Variants in LHFPL3 observed in about 807,000 individuals in gnomAD.
LHFPL3 encodes the protein LHFPL tetraspan subfamily member 3 protein.
A neutral mutation model predicts 19.3 loss-of-function variants in LHFPL3; 5 were observed. That is an observed-to-expected ratio of 0.26 (90% CI 0.14 to 0.54). The LOEUF (loss-of-function observed/expected upper bound fraction) is 0.54. Ranked by LOEUF, LHFPL3 falls within the 20% of genes least tolerant of loss-of-function variation. The pLI is 0.94. For synonymous variants in LHFPL3, 133 were observed against 126.2 expected (o/e 1.05, Z -0.36); for missense variants, 249 against 307.4 (o/e 0.81, Z 1.42).
At chr7:104,748,175 AC>A (rs775983662) in intron 2 of LHFPL3, among the ~76,000 whole-genome samples, 78 of 151,220 alleles carry the variant, frequency 5.2e-4, no homozygotes, top group Non-Finnish European at 2.4e-4. Flanking sequence ...AAGAGTCATC[AC>A]CACTCCCTAA....
chr7:104,380,198 A>C (rs1052667073), intron 1 of LHFPL3, among the ~76,000 whole-genome samples: 3 of 152,206 alleles, frequency 2.0e-5, no homozygotes, highest in African/African-American at 7.2e-5. Flanking sequence ...AACCCATCTC[A>C]TAGAGTTATC....
intron 2 of LHFPL3, among the ~76,000 whole-genome samples, chr7:104,787,961 G>T (rs1489712042): frequency 1.3e-5 from 2 of 152,134 alleles, no homozygotes; most frequent in Non-Finnish European, 2.9e-5. Flanking sequence ...GAATTAAAGG[G>T]GCTTGGAGAG....
chr7:104,904,501 A>C (rs2470934), intron 2 of LHFPL3, among the ~76,000 whole-genome samples: 3 of 152,204 alleles, frequency 2.0e-5, no homozygotes, highest in South Asian at 2.1e-4. Flanking sequence ...AAACACAAAA[A>C]TCAGCCAGGT....
chr7:104,693,706 T>C (rs1244134120), intron 1 of LHFPL3, among the ~76,000 whole-genome samples: 1 of 151,886 alleles, frequency 6.6e-6, no homozygotes, highest in Non-Finnish European at 1.5e-5. Context: ...CTTTTTTTTT[T>C]TTTTTAAAGA....
chr7:104,585,522 C>CACACACAT (rs1790556820), intron 1 of LHFPL3, among the ~76,000 whole-genome samples: 1 of 149,954 alleles, frequency 6.7e-6, no homozygotes, highest in Non-Finnish European at 1.5e-5. Flanking sequence ...CACACACACA[C>CACACACAT]GGCCTTGTCC....
chr7:104,565,172 T>C (rs1790094985), intron 1 of LHFPL3, among the ~76,000 whole-genome samples: 2 of 152,354 alleles, frequency 1.3e-5, no homozygotes, highest in Admixed American at 1.3e-4. Flanking sequence ...TGAAATCACC[T>C]AAGCATTCAA....
chr7:104,713,534 C>T (rs1793331367), intron 1 of LHFPL3, among the ~76,000 whole-genome samples: 1 of 152,062 alleles, frequency 6.6e-6, no homozygotes, highest in South Asian at 2.1e-4. Flanking sequence ...AACTCACTCA[C>T]TATCACAAGA....
intron 1 of LHFPL3, among the ~76,000 whole-genome samples, chr7:104,513,788 GGT>G (rs1361593390): frequency 6.6e-6 from 1 of 152,130 alleles, no homozygotes; most frequent in African/African-American, 2.4e-5. Context: ...AGTGATCTTG[GGT>G]ATCTGCTGGG....
intron 2 of LHFPL3, among the ~76,000 whole-genome samples, chr7:104,877,405 C>T (rs147653253): frequency 1.3e-5 from 2 of 152,056 alleles, no homozygotes; most frequent in African/African-American, 2.4e-5. Context: ...GCTTTTAAAA[C>T]TCTACAATAA....
intron 1 of LHFPL3, among the ~76,000 whole-genome samples, chr7:104,473,770 GTAAA>G (rs1792954278): frequency 6.6e-6 from 1 of 152,356 alleles, no homozygotes; most frequent in Non-Finnish European, 1.5e-5. Context: ...AAAGCACTAA[GTAAA>G]TAGAGTAAAT....
chr7:104,853,343 T>A (rs2116619915), intron 2 of LHFPL3, among the ~76,000 whole-genome samples: 1 of 152,310 alleles, frequency 6.6e-6, no homozygotes, highest in Middle Eastern at 3.4e-3. Context: ...GTGAGGATCC[T>A]AAGTACCCCC....
intron 1 of LHFPL3, among the ~76,000 whole-genome samples, chr7:104,582,515 A>T (rs950962162): frequency 6.6e-6 from 1 of 152,032 alleles, no homozygotes; most frequent in Non-Finnish European, 1.5e-5. Flanking sequence ...AACATGAGTA[A>T]TAAGGGTAGA....
intron 1 of LHFPL3, among the ~76,000 whole-genome samples, chr7:104,628,670 G>A (rs1791588401): frequency 6.6e-6 from 1 of 152,192 alleles, no homozygotes; most frequent in South Asian, 2.1e-4. Flanking sequence ...TTTGCAACCA[G>A]TAGCATTCAT....
In LHFPL3 at chr7:104,732,288, C is replaced by T. The variant is rs1047219233; in HGVS notation, c.446-4387C>T. ...CTTTTTCTATTGATTGGAATAGTTTCGGAAGGCTTGGTACCAGCTGCTCCT... is the reference window on the plus strand; with the variant it reads ...CTTTTTCTATTGATTGGAATAGTTTTGGAAGGCTTGGTACCAGCTGCTCCT... On this transcript the variant is annotated intron_variant, in intron 1 of 2. Coordinates refer to ENST00000424859, the MANE Select transcript of LHFPL3 (RefSeq NM_199000.3). Among the ~76,000 whole-genome samples, 29 of 152,280 alleles carry T rather than the reference C, an allele frequency of 1.9e-4. No homozygotes were observed. In the East Asian group the frequency reaches 3.7e-3, roughly 19 times the overall value.
At chr7:104,769,610 C>T (rs2116393526) in intron 2 of LHFPL3, among the ~76,000 whole-genome samples, 2 of 148,858 alleles carry the variant, frequency 1.3e-5, no homozygotes, top group South Asian at 2.2e-4. Context: ...CCTCTTTTAG[C>T]CCCCCCAACC....
intron 1 of LHFPL3, among the ~76,000 whole-genome samples, chr7:104,653,893 T>A (rs978625900): frequency 6.6e-6 from 1 of 152,212 alleles, no homozygotes; most frequent in Non-Finnish European, 1.5e-5. Context: ...CTGTTAAGCT[T>A]CATGCCAGCA....
At chr7:104,724,971 T>C (rs189721469) in intron 1 of LHFPL3, among the ~76,000 whole-genome samples, 15 of 152,318 alleles carry the variant, frequency 9.8e-5, no homozygotes, top group Admixed American at 3.9e-4. Flanking sequence ...TCTTGCATTA[T>C]TGAAAATAAG....
intron 2 of LHFPL3, among the ~76,000 whole-genome samples, chr7:104,779,157 T>C (rs943304209): frequency 6.6e-6 from 1 of 152,220 alleles, no homozygotes; most frequent in African/African-American, 2.4e-5. Context: ...ATGATCTCTA[T>C]GCCTTAGTTT....
intron 1 of LHFPL3, among the ~76,000 whole-genome samples, chr7:104,680,177 G>A (rs574230054): frequency 4.3e-4 from 65 of 152,278 alleles, no homozygotes; most frequent in African/African-American, 1.2e-3. Context: ...CTGCTCACCC[G>A]AAGATGGCTG....
Sources: allele counts gnomAD v4.1 joint callset (sites outside exome capture counted in the v4.1 genomes callset), GRCh38; gene constraint gnomAD v4.1.1; transcripts MANE v1.5; gene names NCBI Gene and HGNC (gene_info 2026-07-23, HGNC 2026-07-21).